Variants in PLXNA4 observed in about 807,000 individuals in gnomAD.
The protein encoded by PLXNA4 is plexin A4, also known as plexin-A4.
PLXNA4 carries 44 observed loss-of-function variants against 191.8 expected under a neutral mutation model. That is an observed-to-expected ratio of 0.23 (90% CI 0.18 to 0.29). The LOEUF is 0.29. PLXNA4 is among the 10% of genes least tolerant of loss of function. PLXNA4 has a pLI of 1.00. For missense variants in PLXNA4, 1,800 were observed against 2,488.8 expected (o/e 0.72, Z 5.89); for synonymous variants, 1,082 against 1,009.5 (o/e 1.07, Z -1.36).
intron 2 of PLXNA4, among the ~76,000 whole-genome samples, chr7:132,585,590 G>A (rs1802492658): frequency 6.6e-6 from 1 of 152,158 alleles, no homozygotes; most frequent in African/African-American, 2.4e-5. Context: ...ATCATTTGGG[G>A]CTGCTGTTAT....
At chr7:132,565,000 C>T (rs973155630) in intron 1 of PLXNA4, among the ~76,000 whole-genome samples, 8 of 152,164 alleles carry the variant, frequency 5.3e-5, no homozygotes, top group Non-Finnish European at 1.2e-4. Context: ...CGACCCTCTG[C>T]ATGTGGTTTT....
At chr7:132,471,086 G>A (rs1796916383) in intron 3 of PLXNA4, among the ~76,000 whole-genome samples, 1 of 152,156 alleles carries the variant, frequency 6.6e-6, no homozygotes, top group Non-Finnish European at 1.5e-5. Flanking sequence ...TGCGGTTTTT[G>A]TGATAGTGAG....
At position 132,172,570 on chromosome 7, in the gene PLXNA4, G is replaced by C. The variant is rs113485426; in HGVS notation, c.4017+2208C>G. 5.4e-5 allele frequency among the ~76,000 whole-genome samples: 7 copies of C among 128,970 alleles called. 1 individual carries two copies. Among genetic ancestry groups the C allele is most frequent in the African/African-American group, 2.9e-4 (7 of 24,238 alleles). 84.6% of individuals were successfully genotyped at this position (128,970 alleles called of 152,430 possible). A position where few individuals can be genotyped will look rare whatever the true frequency, so the allele number is the denominator to read the frequency against. ...CCAAGGGGGAGAAACTACTCCAGGG[G>C]CAAGAAGGGGTTGGAAAAAAAGCAA... is the stretch of plus-strand genomic sequence containing the variant. On this transcript the variant is annotated intron_variant, in intron 21 of 31. Coordinates refer to ENST00000321063, the MANE Select transcript of PLXNA4 (RefSeq NM_020911.2).
At chr7:132,226,079 T>C in intron 8 of PLXNA4, 82 bp downstream of exon 8, 1 of 1,330,764 alleles carries the variant, frequency 7.5e-7, no homozygotes, top group Non-Finnish European at 1.1e-6. Context: ...GGTGACTCCC[T>C]GGGAATAGTG....
chr7:132,526,143 C>A (rs1799392287), intron 1 of PLXNA4, among the ~76,000 whole-genome samples: 1 of 152,126 alleles, frequency 6.6e-6, no homozygotes, highest in African/African-American at 2.4e-5. Flanking sequence ...AAAGAAAACC[C>A]AAGCTCTCAA....
At chr7:132,339,288 A>G (rs1013514138) in intron 3 of PLXNA4, among the ~76,000 whole-genome samples, 2 of 152,196 alleles carry the variant, frequency 1.3e-5, no homozygotes, top group African/African-American at 4.8e-5. Context: ...AACAACACCT[A>G]TGCCAGAGAT....
intron 4 of PLXNA4, among the ~76,000 whole-genome samples, chr7:132,297,458 G>T (rs934999924): frequency 6.6e-6 from 1 of 152,058 alleles, no homozygotes; most frequent in Admixed American, 6.5e-5. Flanking sequence ...AACTCACTTC[G>T]TTCTCAGCTC....
chr7:132,316,100 A>T (rs927366766), intron 3 of PLXNA4, among the ~76,000 whole-genome samples: 3 of 152,196 alleles, frequency 2.0e-5, no homozygotes, highest in Non-Finnish European at 4.4e-5. Flanking sequence ...AACTTGGAAA[A>T]ACTGCTATGC....
At chr7:132,454,234 C>A (rs1052251079) in intron 3 of PLXNA4, among the ~76,000 whole-genome samples, 2 of 152,174 alleles carry the variant, frequency 1.3e-5, no homozygotes, top group African/African-American at 2.4e-5. Context: ...ATCGTATAGA[C>A]AAAACATGTT....
chr7:132,633,790 A>G (rs1803540606), intron 2 of PLXNA4, among the ~76,000 whole-genome samples: 1 of 152,094 alleles, frequency 6.6e-6, no homozygotes, highest in African/African-American at 2.4e-5. Flanking sequence ...CCATGTCCCC[A>G]TAGCCTGTCC....
chr7:132,206,619 TC>T (rs1345674536), intron 10 of PLXNA4, among the ~76,000 whole-genome samples: 2 of 152,038 alleles, frequency 1.3e-5, no homozygotes, highest in Admixed American at 6.6e-5. Flanking sequence ...CCCCATGTGC[TC>T]CCCCTCAGCC....
intron 10 of PLXNA4, among the ~76,000 whole-genome samples, chr7:132,210,123 T>C (rs1428437960): frequency 6.6e-6 from 1 of 152,230 alleles, no homozygotes; most frequent in Non-Finnish European, 1.5e-5. Context: ...AGAAAAACTT[T>C]AAAGTTCCTA....
chr7:132,393,975 C>T (rs866337575), intron 3 of PLXNA4, among the ~76,000 whole-genome samples: 11 of 151,780 alleles, frequency 7.2e-5, no homozygotes, highest in South Asian at 2.1e-4. Context: ...CTAATTTGCA[C>T]CCCACCCTCT....
intron 4 of PLXNA4, among the ~76,000 whole-genome samples, chr7:132,281,403 C>T (rs1178907344): frequency 2.0e-5 from 3 of 152,172 alleles, no homozygotes; most frequent in South Asian, 2.1e-4. Flanking sequence ...TGGAACTAAT[C>T]GGAGGGTGCT....
chr7:132,500,827 TCTC>T, intron 2 of PLXNA4, among the ~76,000 whole-genome samples: 1 of 152,318 alleles, frequency 6.6e-6, no homozygotes, highest in East Asian at 1.9e-4. Flanking sequence ...TTTTTTATCA[TCTC>T]CTTCTTGAAG....
intron 9 of PLXNA4, among the ~76,000 whole-genome samples, chr7:132,211,563 C>T (rs1335658114): frequency 6.6e-6 from 1 of 152,214 alleles, no homozygotes; most frequent in Non-Finnish European, 1.5e-5. Context: ...GTGAGAAGCT[C>T]CGCAGAGAGG....
intron 2 of PLXNA4, 34 bp from the exon 3 acceptor site, chr7:132,489,508 A>C (rs1249756098): frequency 6.7e-7 from 1 of 1,496,988 alleles, no homozygotes; most frequent in Non-Finnish European, 9.1e-7. Context: ...ATTAGAAGGG[A>C]GCGTCAAGGA....
intron 9 of PLXNA4, among the ~76,000 whole-genome samples, chr7:132,221,785 C>T (rs1409022311): frequency 6.6e-6 from 1 of 152,162 alleles, no homozygotes; most frequent in Non-Finnish European, 1.5e-5. Flanking sequence ...TCCATAGTAG[C>T]TATTTCCAGG....
chr7:132,265,824 G>C (rs1022039799), intron 4 of PLXNA4, among the ~76,000 whole-genome samples: 12 of 152,200 alleles, frequency 7.9e-5, no homozygotes, highest in Admixed American at 2.6e-4. Flanking sequence ...CCAGCAGCCA[G>C]TGCAGGATGG....
Sources: gnomAD v4.1 joint callset for allele counts (sites outside exome capture counted in the v4.1 genomes callset) on GRCh38, gnomAD v4.1.1 for gene constraint, MANE v1.5 for transcripts, NCBI Gene and HGNC (gene_info 2026-07-23, HGNC 2026-07-21) for gene names.